The following CSMD2 variants were observed in gnomAD, a reference collection of about 807,000 sequenced individuals.
CSMD2 encodes CUB and Sushi multiple domains 2.
Under a neutral mutation model 398.5 loss-of-function variants are expected in CSMD2, and 130 were observed. The observed-to-expected ratio is 0.33, with a 90% CI of 0.28 to 0.38. CSMD2 has a LOEUF of 0.38. Among genes scored for constraint, CSMD2 ranks in the 10% least tolerant of loss-of-function variants. The pLI is 1.00. For missense variants in CSMD2, 3,829 were observed against 4,764.9 expected (o/e 0.80, Z 5.78); for synonymous variants, 1,828 against 1,908.5 (o/e 0.96, Z 1.10).
intron 1 of CSMD2, among the ~76,000 whole-genome samples, chr1:34,093,631 T>C (rs1221529893): frequency 6.6e-6 from 1 of 151,832 alleles, no homozygotes; most frequent in Non-Finnish European, 1.5e-5. Context: ...CAGGAGCCGA[T>C]GCGATCAACT....
At chr1:33,555,858 G>A (rs1248605393) in intron 55 of CSMD2, among the ~76,000 whole-genome samples, 2 of 152,186 alleles carry the variant, frequency 1.3e-5, no homozygotes, top group Non-Finnish European at 2.9e-5. Flanking sequence ...CTTTATTGCA[G>A]TAGTCTGGGA....
chr1:33,907,546 C>T (rs913744548), intron 5 of CSMD2, among the ~76,000 whole-genome samples: 3 of 152,126 alleles, frequency 2.0e-5, no homozygotes, highest in African/African-American at 7.2e-5. Flanking sequence ...GTGTAGACCA[C>T]TCTTCAAGAA....
intron 12 of CSMD2, among the ~76,000 whole-genome samples, chr1:33,787,440 G>T (rs34945066): frequency 6.6e-6 from 1 of 152,114 alleles, no homozygotes; most frequent in Non-Finnish European, 1.5e-5. Context: ...CTCCCTAGTA[G>T]CCACCTAGTC....
intron 7 of CSMD2, among the ~76,000 whole-genome samples, chr1:33,824,575 A>G (rs1446518701): frequency 6.6e-6 from 1 of 152,172 alleles, no homozygotes; most frequent in East Asian, 1.9e-4. Context: ...ACATCGGCAC[A>G]GAGCTCGAAA....
chr1:33,866,740 G>T (rs1156924856), intron 5 of CSMD2, among the ~76,000 whole-genome samples: 1 of 152,180 alleles, frequency 6.6e-6, no homozygotes, highest in Admixed American at 6.5e-5. Context: ...CTATAAGGGT[G>T]CTGGCCCTCC....
chr1:34,069,549 G>A (rs1570996508), intron 2 of CSMD2, among the ~76,000 whole-genome samples: 1 of 152,178 alleles, frequency 6.6e-6, no homozygotes, highest in African/African-American at 2.4e-5. Flanking sequence ...GTAAAGGCAG[G>A]ATTCAACCCC....
chr1:33,873,066 T>C (rs924541055), intron 5 of CSMD2, among the ~76,000 whole-genome samples: 1 of 152,234 alleles, frequency 6.6e-6, no homozygotes, highest in Admixed American at 6.5e-5. Context: ...GCAGATAATT[T>C]ATCTCCTTAG....
chr1:33,688,366 C>T (rs1259340304), intron 25 of CSMD2, among the ~76,000 whole-genome samples: 2 of 152,122 alleles, frequency 1.3e-5, no homozygotes, highest in East Asian at 3.8e-4. Context: ...ATTACATTTG[C>T]TTTATGTACA....
At chr1:34,083,081 TA>T (rs10711037) in intron 2 of CSMD2, among the ~76,000 whole-genome samples, 11,155 of 127,794 alleles carry the variant, frequency 0.087, 745 homozygotes, top group African/African-American at 0.21. Flanking sequence ...CTAAAAAAAT[TA>T]AAAAAAAAAA....
At chr1:33,732,487 T>C (rs1646752184) in intron 15 of CSMD2, among the ~76,000 whole-genome samples, 1 of 152,116 alleles carries the variant, frequency 6.6e-6, no homozygotes, top group Non-Finnish European at 1.5e-5. Flanking sequence ...CAGGGGTGCA[T>C]GTGCACAGGA....
At chr1:34,050,226 C>G (rs1653019518) in intron 2 of CSMD2, among the ~76,000 whole-genome samples, 1 of 152,220 alleles carries the variant, frequency 6.6e-6, no homozygotes, top group African/African-American at 2.4e-5. Flanking sequence ...GCCAACTACC[C>G]TGGTGGCAGT....
rs1270656329 is a variant in CSMD2, at chr1:33,625,205, G to T, written c.5346C>A (p.Arg1782=). 1 of 1,613,738 alleles carries T rather than the reference G, an allele frequency of 6.2e-7. No individual in the cohort carries two copies. The highest frequency in any genetic ancestry group is 2.2e-5 in the East Asian group (1 of 44,816). ...ATQCSSVPEP[R]YGKRLGSDFS... ...AGTCACTGCCCAGCCTCTTGCCATA[G>T]CGGGGTTCCGGCACAGAGCTGCACT... Residue 1782 remains arginine (R), a synonymous_variant, in exon 34 of 71, where the codon CGC becomes CGA. Transcript: ENST00000373381.
chr1:34,128,241 G>C (rs372497764), intron 1 of CSMD2, among the ~76,000 whole-genome samples: 6 of 152,238 alleles, frequency 3.9e-5, no homozygotes, highest in African/African-American at 1.4e-4. Flanking sequence ...TTAGCCCCCA[G>C]CACTGGAAGC....
intron 13 of CSMD2, among the ~76,000 whole-genome samples, chr1:33,771,811 G>A (rs1449061648): frequency 2.6e-5 from 4 of 152,196 alleles, no homozygotes; most frequent in African/African-American, 9.6e-5. Context: ...AGTGACAAGG[G>A]ATGGGAGAAG....
Position 33,847,964 on chromosome 1 carries a change from A to T in CSMD2, c.921-968T>A, listed in dbSNP as rs1224748941. Among the ~76,000 whole-genome samples, 3 of 152,342 alleles carry T rather than the reference A, an allele frequency of 2.0e-5. No homozygotes were observed. In the South Asian group the frequency reaches 6.2e-4, roughly 32 times the overall value. ...TCTTCATCTTGATTTCCAGCTTCTAACACCATACTGGACACAAAGTAGGCA... is the reference window on the plus strand; with the variant it reads ...TCTTCATCTTGATTTCCAGCTTCTATCACCATACTGGACACAAAGTAGGCA... On this transcript the variant is annotated intron_variant, in intron 5 of 70. Transcript: ENST00000373381.
At chr1:33,777,522 T>C (rs1652158107) in intron 12 of CSMD2, among the ~76,000 whole-genome samples, 1 of 152,220 alleles carries the variant, frequency 6.6e-6, no homozygotes, top group Non-Finnish European at 1.5e-5. Flanking sequence ...TGTTTGATCT[T>C]GGCACTTCTG....
intron 70 of CSMD2, among the ~76,000 whole-genome samples, 159 bp from the exon 71 acceptor site, chr1:33,516,729 C>T (rs1456037150): frequency 1.3e-5 from 2 of 152,170 alleles, no homozygotes; most frequent in Non-Finnish European, 2.9e-5. Flanking sequence ...TTTTAATCTT[C>T]CCAGGTTGGG....
chr1:33,636,595 G>T lies in CSMD2; in HGVS notation c.4775-41C>A. On this transcript the variant is annotated intron_variant, in intron 29 of 70. Transcript: ENST00000373381. This position sits in a 1 kb window ranked among gnomAD's most constrained non-coding sequence, Gnocchi z 4.8. ...ACAAACACGTGCACACACACAGAGG[G>T]CTCATGAGGAGGCTATTCTTGGGCT... is the stretch of plus-strand genomic sequence containing the variant. 2 of 1,567,294 alleles carry T rather than the reference G, an allele frequency of 1.3e-6. No individual in the cohort carries two copies. The highest frequency in any genetic ancestry group is 1.8e-6 in the Non-Finnish European group (2 of 1,141,432).
At position 33,817,456 on chromosome 1, in the gene CSMD2, C is replaced by T. The variant is rs554664304; in HGVS notation, c.1324+2257G>A. ...CCTGTGGCTAAAAAAGATGAAGGAA[C>T]CCGCCCAGGGCCAGCAAGCTAAAAG... On this transcript the variant is annotated intron_variant, in intron 9 of 70. Coordinates refer to ENST00000373381, the MANE Select transcript of CSMD2 (RefSeq NM_001281956.2). 4.6e-5 allele frequency among the ~76,000 whole-genome samples: 7 copies of T among 152,246 alleles called. No homozygotes were observed. In the East Asian group the frequency reaches 1.4e-3, roughly 29 times the overall value.
Sources: allele counts gnomAD v4.1 joint callset (sites outside exome capture counted in the v4.1 genomes callset), GRCh38; gene constraint gnomAD v4.1.1; non-coding constraint Gnocchi (gnomAD v3.1); transcripts MANE v1.5; gene names NCBI Gene and HGNC (gene_info 2026-07-23, HGNC 2026-07-21).